IGDCC3: variants seen among roughly 807,000 people sequenced by gnomAD.
IGDCC3 encodes immunoglobulin superfamily DCC subclass member 3, also known as putative neuronal cell adhesion molecule.
Under a neutral mutation model 72.0 loss-of-function variants are expected in IGDCC3, and 47 were observed. The observed-to-expected ratio is 0.65, with a 90% CI of 0.52 to 0.83. The LOEUF is 0.83. IGDCC3 is among the 40% of genes least tolerant of loss of function. IGDCC3 has a pLI of 0.00. For synonymous variants in IGDCC3, 477 were observed against 472.8 expected (o/e 1.01, Z -0.11); for missense variants, 1,038 against 1,091.3 (o/e 0.95, Z 0.69).
Position 65,339,377 on chromosome 15 carries a change from G to A in IGDCC3, c.410-3421C>T, listed in dbSNP as rs940491934. Among the ~76,000 whole-genome samples, 1 of 152,238 alleles carries A rather than the reference G, an allele frequency of 6.6e-6. No homozygotes were observed. The highest frequency in any genetic ancestry group is 1.5e-5 in the Non-Finnish European group (1 of 68,050). On this transcript the variant is annotated intron_variant, in intron 2 of 13. Coordinates refer to ENST00000327987, the MANE Select transcript of IGDCC3 (RefSeq NM_004884.4). This position sits in a 1 kb window ranked among gnomAD's most constrained non-coding sequence, Gnocchi z 4.1. ...TTCCAGGCGTGAGCTACTGTGCCTG[G>A]CCAATTTTTGTATTTCTTATAGAGA...
chr15:65,349,566 A>G (rs2091155659), intron 2 of IGDCC3, among the ~76,000 whole-genome samples: 1 of 152,228 alleles, frequency 6.6e-6, no homozygotes, highest in Admixed American at 6.5e-5. Flanking sequence ...AGGATAAAAC[A>G]TGGGCTTAGA....
chr15:65,343,290 T>C (rs1262731577), intron 2 of IGDCC3, among the ~76,000 whole-genome samples: 1 of 151,996 alleles, frequency 6.6e-6, no homozygotes, highest in Non-Finnish European at 1.5e-5. Context: ...TCGTGTCTCT[T>C]CTCCAAGGGG....
At chr15:65,369,683 A>G (rs773567577) in intron 2 of IGDCC3, among the ~76,000 whole-genome samples, 1 of 152,028 alleles carries the variant, frequency 6.6e-6, no homozygotes, top group African/African-American at 2.4e-5. Context: ...CAAGAAGGAG[A>G]GAAGAACTTG....
chr15:65,357,511 T>G (rs906297671), intron 2 of IGDCC3, among the ~76,000 whole-genome samples: 1 of 152,194 alleles, frequency 6.6e-6, no homozygotes, highest in Non-Finnish European at 1.5e-5. Context: ...CATAGAAGTA[T>G]CCATCTATCC....
Position 65,331,119 on chromosome 15 carries a change from T to A in IGDCC3, c.1492A>T (p.Ile498Phe). The change falls in exon 9 of 14, where the codon ATC (isoleucine) becomes TTC (phenylalanine). Residue 498 changes from isoleucine to phenylalanine, a missense_variant. Physicochemically the swap from Ile to Phe is conservative, Grantham distance 21. Coordinates refer to ENST00000327987, the MANE Select transcript of IGDCC3 (RefSeq NM_004884.4). The stretch of plus-strand genomic sequence containing the variant: ...GCCCCCCTTGGTGTGTAGGCCTTGA[T>A]GTAGAAACTGTAGGCTGTGGAGGGC... ...LEPSTAYSFY[I>F]KAYTPRGASS... 6.2e-7 allele frequency: 1 copy of A among 1,614,088 alleles called. No individual in the cohort carries two copies. Among genetic ancestry groups the A allele is most frequent in the Non-Finnish European group, 8.5e-7 (1 of 1,180,012 alleles).
intron 2 of IGDCC3, among the ~76,000 whole-genome samples, chr15:65,357,428 A>G (rs565711108): frequency 4.5e-4 from 69 of 152,358 alleles, no homozygotes; most frequent in Non-Finnish European, 6.8e-4. Flanking sequence ...CTGAGGCTGC[A>G]GCATTTTCTA....
chr15:65,329,215 A>G lies in IGDCC3; in HGVS notation c.2206-67T>C. The G allele has an allele frequency of 1.3e-6, 2 of 1,545,764 alleles. No homozygotes were observed. The highest frequency in any genetic ancestry group is 1.3e-5 in the South Asian group (1 of 79,848). On this transcript the variant is annotated intron_variant, in intron 13 of 13. Transcript: ENST00000327987. This position sits in a 1 kb window ranked among gnomAD's most constrained non-coding sequence, Gnocchi z 4.1. Reference sequence around the variant, plus strand: ...AGGGCGCCAGGCTCCAACTCACCCCACTTGGGCCTTAGGGTCTCCAGGTCT... The same window carrying G: ...AGGGCGCCAGGCTCCAACTCACCCCGCTTGGGCCTTAGGGTCTCCAGGTCT...
intron 2 of IGDCC3, among the ~76,000 whole-genome samples, chr15:65,368,796 T>A (rs1400203370): frequency 2.0e-5 from 3 of 151,730 alleles, no homozygotes; most frequent in Non-Finnish European, 2.9e-5. Flanking sequence ...CCCCTGCCCA[T>A]CCTCCCCGTT....
At chr15:65,342,749 C>T (rs916542657) in intron 2 of IGDCC3, among the ~76,000 whole-genome samples, 1 of 152,250 alleles carries the variant, frequency 6.6e-6, no homozygotes, top group Non-Finnish European at 1.5e-5. Context: ...ACATCAGATC[C>T]CACGCTAGGG....
At chr15:65,352,329 A>C (rs763817852) in intron 2 of IGDCC3, among the ~76,000 whole-genome samples, 2 of 152,278 alleles carry the variant, frequency 1.3e-5, no homozygotes, top group African/African-American at 2.4e-5. Flanking sequence ...TTATGGCAAT[A>C]TAATTATTTG....
chr15:65,330,567 T>G lies in IGDCC3; in HGVS notation c.1736A>C (p.Tyr579Ser), dbSNP rs949284938. 21 of 1,613,244 alleles carry G rather than the reference T, an allele frequency of 1.3e-5. No homozygotes were observed. The highest frequency in any genetic ancestry group is 1.7e-5 in the Non-Finnish European group (20 of 1,179,956). The stretch of plus-strand genomic sequence containing the variant: ...TGCCTCACCGAGCTGGCTGAGGTTG[T>G]AGGAGGAGACGGTTCCAGGCAGCAG... ...PILLPGTVSS[Y>S]NLSQLDPTAV... Residue 579 changes from tyrosine to serine, a missense_variant, in exon 10 of 14, where the codon TAC (tyrosine) becomes TCC (serine). By Grantham distance (144) the Tyr-to-Ser change is moderately radical. Transcript: ENST00000327987.
chr15:65,331,002 T>C (rs375216346), intron 9 of IGDCC3, 48 bp downstream of exon 9: 1 of 1,598,782 alleles, frequency 6.3e-7, no homozygotes, highest in African/African-American at 1.3e-5. Flanking sequence ...TCTGCTCTGA[T>C]ACCCTGAGTG....
intron 2 of IGDCC3, among the ~76,000 whole-genome samples, chr15:65,374,753 T>C (rs538951987): frequency 2.4e-4 from 37 of 152,332 alleles, no homozygotes; most frequent in Admixed American, 2.4e-3. Context: ...GATTTATCTT[T>C]ATACACAAGA....
rs377388051 is a variant in IGDCC3, at chr15:65,329,133, G to T, written c.2221C>A (p.Pro741Thr). 3.7e-6 allele frequency: 6 copies of T among 1,608,298 alleles called. No homozygotes were observed. In the African/African-American group the frequency reaches 6.7e-5, roughly 18 times the overall value. Residue 741 changes from proline (P) to threonine (T), a missense_variant, in exon 14 of 14, where the codon CCC becomes ACC. Pro to Thr is a conservative substitution (Grantham distance 38). Coordinates refer to ENST00000327987, the MANE Select transcript of IGDCC3 (RefSeq NM_004884.4). The surrounding 1 kb of genome is among the most constrained non-coding windows in gnomAD (Gnocchi z 4.1). ...DPRPTQDPAAPAPCEETQLSV... is the reference protein window; with the variant it reads ...DPRPTQDPAATAPCEETQLSV... ...AGCTGGGTCTCCTCACACGGAGCGG[G>T]GGCTGCAGGATCCTGCTGGGGAAAG...
At chr15:65,332,195 TACACAGGGTGAGAGGTGGGCTCCAAAC>T in intron 6 of IGDCC3, 89 bp from the exon 7 acceptor site, 1 of 1,438,898 alleles carries the variant, frequency 6.9e-7, no homozygotes, top group Non-Finnish European at 9.4e-7. Context: ...GGACTGGAGA[TACACAGGGTGAGAGGTGGGCTCCAAAC>T]ACACATCTGC....
Position 65,330,889 on chromosome 15 carries a change from G to A in IGDCC3, c.1562-148C>T, listed in dbSNP as rs1421873643. The A allele has an allele frequency of 8.2e-6, 9 of 1,096,140 alleles. No individual in the cohort carries two copies. The African/African-American group carries it at 9.5e-5, about 12-fold the overall frequency. The allele number at this position is 1,096,140 out of a possible 1,614,324, so 67.9% of individuals were successfully genotyped here. A position where few individuals can be genotyped will look rare whatever the true frequency, so the allele number is the denominator to read the frequency against. ...GCTTATGAAAGCAGCACCTTCCTAG[G>A]AATTAGAAAAAGAAGCCCTTTCCTC... On this transcript the variant is annotated intron_variant, in intron 9 of 13. Coordinates refer to ENST00000327987, the MANE Select transcript of IGDCC3 (RefSeq NM_004884.4).
intron 2 of IGDCC3, among the ~76,000 whole-genome samples, chr15:65,365,929 C>T (rs549640844): frequency 6.6e-5 from 10 of 152,158 alleles, no homozygotes; most frequent in South Asian, 2.1e-4. Context: ...AAAATTTGGC[C>T]GGGTGCAGTG....
At chr15:65,337,823 C>G (rs959146958) in intron 2 of IGDCC3, among the ~76,000 whole-genome samples, 9 of 152,182 alleles carry the variant, frequency 5.9e-5, no homozygotes, top group African/African-American at 2.2e-4. Context: ...AGCTGCCAGC[C>G]TCCTCTTCAC....
intron 6 of IGDCC3, 36 bp from the exon 7 acceptor site, chr15:65,332,142 GAC>G: frequency 6.3e-7 from 1 of 1,596,938 alleles, no homozygotes; most frequent in Non-Finnish European, 8.5e-7. Context: ...GGCGCAGACA[GAC>G]ACAGCTGTGA....
Sources: gnomAD v4.1 joint callset for allele counts (sites outside exome capture counted in the v4.1 genomes callset) on GRCh38, gnomAD v4.1.1 for gene constraint, Gnocchi (gnomAD v3.1) non-coding constraint, MANE v1.5 for transcripts, NCBI Gene and HGNC (gene_info 2026-07-23, HGNC 2026-07-21) for gene names.